The following IMPG1 variants were observed in gnomAD, a reference collection of about 807,000 sequenced individuals.
IMPG1 encodes interphotoreceptor matrix proteoglycan 1.
In IMPG1, 85 loss-of-function variants were observed where a neutral mutation model predicts 92.0. The observed-to-expected ratio is 0.92, with a 90% CI of 0.78 to 1.11. The LOEUF (loss-of-function observed/expected upper bound fraction) is 1.11, where lower values mean the gene tolerates loss of function less well. Ranked by LOEUF, IMPG1 falls within the 50% of genes least tolerant of loss-of-function variation. The pLI, the probability that IMPG1 is intolerant of heterozygous loss-of-function variation, is 0.00. For missense variants in IMPG1, 1,022 were observed against 956.0 expected (o/e 1.07, Z -0.91); for synonymous variants, 367 against 334.1 (o/e 1.10, Z -1.08).
chr6:76,031,921 C>T (rs546065364), intron 4 of IMPG1, among the ~76,000 whole-genome samples: 8 of 152,184 alleles, frequency 5.3e-5, no homozygotes, highest in Admixed American at 2.6e-4. Context: ...ATACCATCAC[C>T]GAGGATCTGT....
chr6:76,002,821 G>C (rs775378018), intron 12 of IMPG1, 97 bp downstream of exon 12: 13 of 923,502 alleles, frequency 1.4e-5, no homozygotes, highest in Non-Finnish European at 2.1e-5. Flanking sequence ...TCCTGGGTTC[G>C]GGATGGCTTT....
At chr6:75,938,677 G>T (rs552763106) in intron 14 of IMPG1, among the ~76,000 whole-genome samples, 1 of 152,200 alleles carries the variant, frequency 6.6e-6, no homozygotes, top group African/African-American at 2.4e-5. Context: ...GCCAGGCATG[G>T]TGGTGCACCC....
chr6:76,065,719 G>T (rs965186604), intron 1 of IMPG1, among the ~76,000 whole-genome samples: 1 of 151,958 alleles, frequency 6.6e-6, no homozygotes, highest in African/African-American at 2.4e-5. Context: ...GTTATAAGAG[G>T]CTCAGAGAAC....
intron 12 of IMPG1, among the ~76,000 whole-genome samples, chr6:75,999,620 G>A (rs1164384906): frequency 3.3e-5 from 5 of 151,958 alleles, no homozygotes; most frequent in Non-Finnish European, 5.9e-5. Flanking sequence ...TTTTTATCAC[G>A]AATGTTTCCC....
intron 6 of IMPG1, among the ~76,000 whole-genome samples, chr6:76,021,326 A>C (rs1783420227): frequency 6.6e-6 from 1 of 152,132 alleles, no homozygotes; most frequent in Non-Finnish European, 1.5e-5. Flanking sequence ...TTGATGTCTC[A>C]TGCCTCCCTA....
At chr6:76,049,257 T>G (rs142986837) in intron 1 of IMPG1, among the ~76,000 whole-genome samples, 2 of 152,280 alleles carry the variant, frequency 1.3e-5, no homozygotes, top group African/African-American at 2.4e-5. Context: ...ACTTAATAGC[T>G]GGGTGATGAA....
rs538179015 is a variant in IMPG1, at chr6:75,946,087, C to T, written c.2044+1227G>A. Among the ~76,000 whole-genome samples the T allele has an allele frequency of 2.6e-5, 4 of 152,352 alleles. No homozygotes were observed. The East Asian group carries it at 5.8e-4, about 22-fold the overall frequency. ...CCTAACTGGCAAAGACCCCTGGTTC[C>T]TTTTCAGTTCTGAAGTAGTTTTCCG... On this transcript the variant is annotated intron_variant, in intron 14 of 16. Coordinates refer to ENST00000369950, the MANE Select transcript of IMPG1 (RefSeq NM_001563.4).
chr6:76,024,845 C>A, intron 5 of IMPG1: 1 of 374,558 alleles, frequency 2.7e-6, no homozygotes, highest in East Asian at 8.1e-5. Context: ...ATAAAATATC[C>A]TTTACATCAG....
In IMPG1 at chr6:76,034,646, T is replaced by G; in HGVS notation, c.443A>C (p.Gln148Pro). ...FDIGKNFSNS[Q>P]EHLDLLQQRI... Reference sequence around the variant, plus strand: ...CTGCTGGAGAAGATCCAGGTGCTCCTGGGAATTGCTGAAGTTTTTTCCAAT... The same window carrying G: ...CTGCTGGAGAAGATCCAGGTGCTCCGGGGAATTGCTGAAGTTTTTTCCAAT... Residue 148 changes from glutamine to proline, a missense_variant, in exon 3 of 17, where the codon CAG (glutamine) becomes CCG (proline). Physicochemically the swap from Gln to Pro is moderately conservative, Grantham distance 76. This residue lies in a region of IMPG1 where 681 missense variants were observed against 583.6 expected (regional missense o/e 1.17). Coordinates refer to ENST00000369950, the MANE Select transcript of IMPG1 (RefSeq NM_001563.4). The G allele has an allele frequency of 6.2e-7, 1 of 1,614,172 alleles. No individual in the cohort carries two copies. Among genetic ancestry groups the G allele is most frequent in the Non-Finnish European group, 8.5e-7 (1 of 1,180,008 alleles).
At chr6:75,939,765 T>C (rs936635749) in intron 14 of IMPG1, among the ~76,000 whole-genome samples, 3 of 152,176 alleles carry the variant, frequency 2.0e-5, no homozygotes, top group African/African-American at 4.8e-5. Context: ...CCCTTTAAAA[T>C]GTAAACCTCA....
Position 76,022,082 on chromosome 6 carries a change from A to T in IMPG1, c.666+34T>A, listed in dbSNP as rs769449356. 6.7e-6 allele frequency: 8 copies of T among 1,196,684 alleles called. No individual in the cohort carries two copies. In the South Asian group the frequency reaches 9.7e-5, roughly 15 times the overall value. 74.1% of individuals were successfully genotyped at this position (1,196,684 alleles called of 1,614,324 possible). On this transcript the variant is annotated intron_variant, in intron 6 of 16. Coordinates refer to ENST00000369950, the MANE Select transcript of IMPG1 (RefSeq NM_001563.4). The stretch of plus-strand genomic sequence containing the variant: ...TTTGCTAAAGAACAAAAACAGGCAC[A>T]TGAAGAGCTAGATCAACTCTAGGAA...
chr6:76,045,366 C>T (rs1055936184), intron 1 of IMPG1, among the ~76,000 whole-genome samples: 1 of 151,680 alleles, frequency 6.6e-6, no homozygotes, highest in African/African-American at 2.4e-5. Context: ...GAACACCAAG[C>T]TACAACTACT....
chr6:75,943,704 C>T (rs868784742), intron 14 of IMPG1, among the ~76,000 whole-genome samples: 4 of 152,236 alleles, frequency 2.6e-5, no homozygotes, highest in Non-Finnish European at 4.4e-5. Flanking sequence ...TGGCTATCCC[C>T]GGCCAAAGGC....
chr6:76,016,020 C>T (rs1783281358), intron 7 of IMPG1, among the ~76,000 whole-genome samples: 1 of 152,108 alleles, frequency 6.6e-6, no homozygotes, highest in African/African-American at 2.4e-5. Flanking sequence ...CTCCTTTCCT[C>T]AGTTACCTCT....
At chr6:76,067,587 A>G (rs1035851635) in intron 1 of IMPG1, among the ~76,000 whole-genome samples, 2 of 152,162 alleles carry the variant, frequency 1.3e-5, no homozygotes, top group African/African-American at 4.8e-5. Flanking sequence ...AGGTAGATTT[A>G]CAGCTGATTT....
At chr6:75,933,060 C>T (rs1781690025) in intron 14 of IMPG1, among the ~76,000 whole-genome samples, 1 of 152,150 alleles carries the variant, frequency 6.6e-6, no homozygotes, top group Admixed American at 6.5e-5. Flanking sequence ...GTTTGAACTT[C>T]CTACTCTTTG....
At chr6:76,055,512 A>C (rs1445070500) in intron 1 of IMPG1, among the ~76,000 whole-genome samples, 1 of 147,618 alleles carries the variant, frequency 6.8e-6, no homozygotes, top group African/African-American at 2.4e-5. Context: ...GTAAGAAAAC[A>C]AAATAAAACC....
At chr6:76,047,429 A>G (rs1783964923) in intron 1 of IMPG1, among the ~76,000 whole-genome samples, 1 of 152,214 alleles carries the variant, frequency 6.6e-6, no homozygotes, top group South Asian at 2.1e-4. Flanking sequence ...TGTATTCACT[A>G]AGCGACTACT....
intron 1 of IMPG1, among the ~76,000 whole-genome samples, chr6:76,051,094 T>A (rs1181498098): frequency 1.3e-5 from 2 of 152,038 alleles, no homozygotes; most frequent in African/African-American, 4.8e-5. Flanking sequence ...CAGCACCAAT[T>A]CAATGACTGG....
Sources: allele counts gnomAD v4.1 joint callset (sites outside exome capture counted in the v4.1 genomes callset), GRCh38; gene constraint gnomAD v4.1.1; regional missense constraint gnomAD v4.1.1; transcripts MANE v1.5; gene names NCBI Gene and HGNC (gene_info 2026-07-23, HGNC 2026-07-21).